The following ABTB3 variants were observed in gnomAD, a reference collection of about 807,000 sequenced individuals.
The protein encoded by ABTB3 is ankyrin repeat- and BTB/POZ domain-containing protein 3.
the ABTB3 span, among the ~76,000 whole-genome samples, chr12:107,322,752 C>T: frequency 1.9e-5 from 1 of 52,012 alleles, no homozygotes; most frequent in Non-Finnish European, 3.8e-5. Context: ...GCATAGGGAA[C>T]TTAAGTATCT....
At chr12:107,404,179 A>AAAAG in the ABTB3 span, among the ~76,000 whole-genome samples, 2 of 142,616 alleles carry the variant, frequency 1.4e-5, no homozygotes, top group African/African-American at 2.8e-5. Flanking sequence ...AAAAAAAAAA[A>AAAAG]AAAAAAAAGG....
the ABTB3 span, chr12:107,651,592 T>C: frequency 1.1e-6 from 1 of 892,492 alleles, no homozygotes; most frequent in East Asian, 2.6e-5. Flanking sequence ...AGATGAGGAC[T>C]GTCTCACCAC....
chr12:107,356,320 G>A, the ABTB3 span, among the ~76,000 whole-genome samples: 6 of 152,172 alleles, frequency 3.9e-5, no homozygotes, highest in South Asian at 2.1e-4. Flanking sequence ...CAGAATGAAC[G>A]GAGTTATCAA....
the ABTB3 span, among the ~76,000 whole-genome samples, chr12:107,382,657 C>T: frequency 7.2e-5 from 11 of 152,094 alleles, no homozygotes; most frequent in African/African-American, 1.7e-4. Context: ...AACTAACAAA[C>T]GAACAGAAAA....
At chr12:107,330,842 G>GT in the ABTB3 span, among the ~76,000 whole-genome samples, 1 of 152,250 alleles carries the variant, frequency 6.6e-6, no homozygotes, top group Non-Finnish European at 1.5e-5. Flanking sequence ...CTGGAAGCAT[G>GT]TGGAGGTCCC....
the ABTB3 span, among the ~76,000 whole-genome samples, chr12:107,488,152 G>A: frequency 6.6e-6 from 1 of 152,118 alleles, no homozygotes; most frequent in South Asian, 2.1e-4. Flanking sequence ...GCAGTCAAGA[G>A]TCTGGGTATC....
chr12:107,362,254 A>G, the ABTB3 span, among the ~76,000 whole-genome samples: 2 of 152,210 alleles, frequency 1.3e-5, no homozygotes, highest in Admixed American at 1.3e-4. Context: ...TCAACCTGGA[A>G]CTATGGTAAT....
At chr12:107,628,483 T>C in the ABTB3 span, among the ~76,000 whole-genome samples, 119 of 152,336 alleles carry the variant, frequency 7.8e-4, no homozygotes, top group African/African-American at 2.8e-3. Flanking sequence ...GAGAGCTTGC[T>C]GTCAGTGTCC....
chr12:107,408,687 A>G, the ABTB3 span, among the ~76,000 whole-genome samples: 2 of 152,216 alleles, frequency 1.3e-5, no homozygotes, highest in Non-Finnish European at 2.9e-5. Context: ...CCGGCACTGG[A>G]CTTCGGTATC....
chr12:107,536,580 T>C, the ABTB3 span, among the ~76,000 whole-genome samples: 7 of 151,914 alleles, frequency 4.6e-5, no homozygotes, highest in South Asian at 1.5e-3. Context: ...AAGATCTAAA[T>C]AGACATTTCT....
the ABTB3 span, among the ~76,000 whole-genome samples, chr12:107,347,293 GATATAA>G: frequency 1.3e-5 from 2 of 152,112 alleles, no homozygotes; most frequent in African/African-American, 4.8e-5. Context: ...CTTTATATGA[GATATAA>G]ATATAAATAT....
the ABTB3 span, among the ~76,000 whole-genome samples, chr12:107,414,924 G>A: frequency 1.3e-5 from 2 of 152,004 alleles, no homozygotes; most frequent in Non-Finnish European, 2.9e-5. Context: ...ATGTTGGCCA[G>A]GCTGATCTCA....
chr12:107,617,059 A>T, the ABTB3 span: 2 of 1,605,560 alleles, frequency 1.2e-6, no homozygotes, highest in Non-Finnish European at 1.7e-6. Context: ...ATCTCCTCTC[A>T]CCGTCTCAAT....
chr12:107,513,215 T>C, the ABTB3 span, among the ~76,000 whole-genome samples: 1 of 152,354 alleles, frequency 6.6e-6, no homozygotes, highest in Admixed American at 6.5e-5. Context: ...ATTATCATCA[T>C]TGAAGGTTGG....
At chr12:107,526,280 C>T in the ABTB3 span, among the ~76,000 whole-genome samples, 10 of 152,158 alleles carry the variant, frequency 6.6e-5, no homozygotes, top group African/African-American at 1.7e-4. Flanking sequence ...CCACGAAAAT[C>T]GCCAAACTGA....
the ABTB3 span, chr12:107,617,586 C>A: frequency 2.0e-6 from 2 of 1,013,152 alleles, no homozygotes; most frequent in Non-Finnish European, 2.8e-6. Context: ...CCAGAGCGAC[C>A]CTACCTGCCA....
the ABTB3 span, among the ~76,000 whole-genome samples, chr12:107,434,887 A>G: frequency 6.6e-6 from 1 of 151,960 alleles, no homozygotes; most frequent in Non-Finnish European, 1.5e-5. Context: ...AAAAACAACA[A>G]CAACAAAACA....
chr12:107,427,755 C>A, the ABTB3 span, among the ~76,000 whole-genome samples: 1 of 152,212 alleles, frequency 6.6e-6, no homozygotes, highest in Non-Finnish European at 1.5e-5. Flanking sequence ...CTACTTCTCT[C>A]ATTAGAAATC....
the ABTB3 span, chr12:107,318,724 C>T: frequency 9.3e-6 from 5 of 535,158 alleles, no homozygotes; most frequent in Non-Finnish European, 1.6e-5. Context: ...AGCTCCGGCC[C>T]GGACTCTGGA....
Sources: allele counts gnomAD v4.1 joint callset (sites outside exome capture counted in the v4.1 genomes callset), GRCh38; gene constraint gnomAD v4.1.1; transcripts MANE v1.5; gene names NCBI Gene and HGNC (gene_info 2026-07-23, HGNC 2026-07-21).